The following GALNT7 variants were observed in gnomAD, a reference collection of about 807,000 sequenced individuals.
The protein encoded by GALNT7 is polypeptide N-acetylgalactosaminyltransferase 7.
A neutral mutation model predicts 82.1 loss-of-function variants in GALNT7; 60 were observed. The observed-to-expected ratio is 0.73, with a 90% CI of 0.59 to 0.91. GALNT7 has a LOEUF of 0.91. Among genes scored for constraint, GALNT7 ranks in the 40% least tolerant of loss-of-function variants. The pLI is 0.00. For synonymous variants in GALNT7, 243 were observed against 275.1 expected (o/e 0.88, Z 1.15); for missense variants, 660 against 804.2 (o/e 0.82, Z 2.17).
At chr4:173,176,844 CTT>C (rs1445207608) in intron 1 of GALNT7, among the ~76,000 whole-genome samples, 2 of 152,236 alleles carry the variant, frequency 1.3e-5, no homozygotes, top group Admixed American at 6.5e-5. Context: ...CCATGAAAGA[CTT>C]TGAATGGTCA....
At chr4:173,199,630 C>T (rs1045889086) in intron 1 of GALNT7, among the ~76,000 whole-genome samples, 3 of 152,194 alleles carry the variant, frequency 2.0e-5, no homozygotes, top group African/African-American at 7.2e-5. Context: ...CATGTAGGCA[C>T]TATTCTTACC....
chr4:173,272,718 T>G (rs1326285072), intron 2 of GALNT7, among the ~76,000 whole-genome samples: 1 of 152,252 alleles, frequency 6.6e-6, no homozygotes, highest in African/African-American at 2.4e-5. Context: ...TTTTTAAACA[T>G]CTCATATGTA....
Position 173,292,224 on chromosome 4 carries a change from C to T in GALNT7, c.704C>T (p.Pro235Leu). 1 of 1,579,302 alleles carries T rather than the reference C, an allele frequency of 6.3e-7. No homozygotes were observed. The highest frequency in any genetic ancestry group is 8.6e-7 in the Non-Finnish European group (1 of 1,162,318). Residue 235 changes from proline to leucine, a missense_variant, in exon 3 of 12, where the codon CCA becomes CTA. Physicochemically the swap from Pro to Leu is moderately conservative, Grantham distance 98. Around this residue, in one of 2 missense-constraint regions of GALNT7, gnomAD observed 527 missense variants for 683.5 expected, o/e 0.77. Transcript: ENST00000265000. This position sits in a 1 kb window ranked among gnomAD's most constrained non-coding sequence, Gnocchi z 4.8. Reference sequence around the variant, plus strand: ...GTCCACAGTGTAATTAAAAGGACTCCAAGGAAATATTTAGCAGAAATTGTG... The same window carrying T: ...GTCCACAGTGTAATTAAAAGGACTCTAAGGAAATATTTAGCAGAAATTGTG... ...RTVHSVIKRT[P>L]RKYLAEIVLI...
chr4:173,215,925 A>G (rs1733433150), intron 1 of GALNT7, among the ~76,000 whole-genome samples: 1 of 152,162 alleles, frequency 6.6e-6, no homozygotes, highest in African/African-American at 2.4e-5. Context: ...CCTGGGCAAC[A>G]TGGTGAAACC....
chr4:173,283,181 C>CT (rs1297986005), intron 2 of GALNT7, among the ~76,000 whole-genome samples: 3 of 152,212 alleles, frequency 2.0e-5, no homozygotes, highest in Non-Finnish European at 4.4e-5. Context: ...TCCAGTCCTC[C>CT]TTTTTGTTAA....
At chr4:173,197,329 T>C (rs1732808766) in intron 1 of GALNT7, among the ~76,000 whole-genome samples, 1 of 152,118 alleles carries the variant, frequency 6.6e-6, no homozygotes, top group Admixed American at 6.5e-5. Context: ...CTATGCTCTC[T>C]TAAAAAGAGT....
At chr4:173,191,723 A>T (rs1732635875) in intron 1 of GALNT7, among the ~76,000 whole-genome samples, 1 of 152,188 alleles carries the variant, frequency 6.6e-6, no homozygotes, top group African/African-American at 2.4e-5. Context: ...GTGAGAAAGC[A>T]TGCTTTCTAT....
intron 1 of GALNT7, among the ~76,000 whole-genome samples, chr4:173,170,162 T>G (rs751438319): frequency 6.6e-6 from 1 of 152,052 alleles, no homozygotes; most frequent in Non-Finnish European, 1.5e-5. Context: ...CACCACCTGC[T>G]TCCTCCTCCC....
chr4:173,180,721 T>C (rs1732221383), intron 1 of GALNT7, among the ~76,000 whole-genome samples: 1 of 152,212 alleles, frequency 6.6e-6, no homozygotes. Context: ...TCTAAAATGT[T>C]TGTCTCATTG....
chr4:173,274,017 T>C (rs1312361881), intron 2 of GALNT7, among the ~76,000 whole-genome samples: 4 of 152,324 alleles, frequency 2.6e-5, no homozygotes, highest in Non-Finnish European at 1.5e-5. Flanking sequence ...ACACAGAATA[T>C]GGCATGTAAG....
chr4:173,196,533 C>T (rs1004736449), intron 1 of GALNT7, among the ~76,000 whole-genome samples: 19 of 152,230 alleles, frequency 1.2e-4, no homozygotes, highest in African/African-American at 4.1e-4. Flanking sequence ...TATTTGGTAA[C>T]GTGAAGTTTT....
At chr4:173,205,482 C>G (rs1042483314) in intron 1 of GALNT7, among the ~76,000 whole-genome samples, 2 of 151,740 alleles carry the variant, frequency 1.3e-5, no homozygotes, top group African/African-American at 4.8e-5. Flanking sequence ...TTATTCTGTT[C>G]TTCTCTCTTG....
At chr4:173,197,574 G>A (rs992682322) in intron 1 of GALNT7, among the ~76,000 whole-genome samples, 1 of 152,182 alleles carries the variant, frequency 6.6e-6, no homozygotes, top group African/African-American at 2.4e-5. Context: ...GTAGTACCTA[G>A]TGTTGTTGGA....
At chr4:173,298,610 T>C (rs938486550) in intron 6 of GALNT7, among the ~76,000 whole-genome samples, 23 of 152,232 alleles carry the variant, frequency 1.5e-4, no homozygotes, top group African/African-American at 5.5e-4. Flanking sequence ...TCCTACTGGA[T>C]TAGACATCAA....
At chr4:173,291,755 G>T (rs1736539637) in intron 2 of GALNT7, among the ~76,000 whole-genome samples, 1 of 143,658 alleles carries the variant, frequency 7.0e-6, no homozygotes, top group Non-Finnish European at 1.5e-5. Context: ...TGTGCCAAAA[G>T]CTCATTTCAA....
chr4:173,173,348 T>A (rs1731937441), intron 1 of GALNT7, among the ~76,000 whole-genome samples: 4 of 152,052 alleles, frequency 2.6e-5, no homozygotes, highest in African/African-American at 9.7e-5. Context: ...ATTAAATAAA[T>A]TATGTCCCAG....
intron 2 of GALNT7, among the ~76,000 whole-genome samples, chr4:173,291,013 G>A (rs1021941042): frequency 4.0e-5 from 6 of 151,896 alleles, no homozygotes; most frequent in African/African-American, 1.2e-4. Flanking sequence ...TTCTAATTCC[G>A]TCCTGTCTCC....
intron 1 of GALNT7, among the ~76,000 whole-genome samples, chr4:173,203,213 C>T (rs1462451050): frequency 6.6e-6 from 1 of 152,132 alleles, no homozygotes; most frequent in Non-Finnish European, 1.5e-5. Context: ...CCCACCTCAG[C>T]CTCCTAAGTA....
intron 2 of GALNT7, among the ~76,000 whole-genome samples, chr4:173,284,681 A>G (rs151115356): frequency 2.0e-5 from 3 of 152,234 alleles, no homozygotes; most frequent in South Asian, 2.1e-4. Context: ...AAATTTTACC[A>G]TAAGTCATTT....
Sources: allele counts gnomAD v4.1 joint callset (sites outside exome capture counted in the v4.1 genomes callset), GRCh38; gene constraint gnomAD v4.1.1; regional missense constraint gnomAD v4.1.1; non-coding constraint Gnocchi (gnomAD v3.1); transcripts MANE v1.5; gene names NCBI Gene and HGNC (gene_info 2026-07-23, HGNC 2026-07-21).